FAT3: variants seen among roughly 807,000 people sequenced by gnomAD.
FAT3 encodes the protein FAT atypical cadherin 3.
Under a neutral mutation model 310.2 loss-of-function variants are expected in FAT3, and 95 were observed. The observed-to-expected ratio is 0.31, with a 90% CI of 0.26 to 0.36. The LOEUF (loss-of-function observed/expected upper bound fraction) is 0.36. Among genes scored for constraint, FAT3 ranks in the 10% least tolerant of loss-of-function variants. FAT3 has a pLI of 1.00. For missense variants in FAT3, 5,408 were observed against 5,715.6 expected, an observed-to-expected ratio of 0.95 and a Z score of 1.74; for synonymous variants, 2,314 against 2,192.9, an observed-to-expected ratio of 1.06 and a Z score of -1.54.
intron 2 of FAT3, among the ~76,000 whole-genome samples, chr11:92,410,395 G>A (rs1950230407): frequency 6.6e-6 from 1 of 152,060 alleles, no homozygotes; most frequent in South Asian, 2.1e-4. Context: ...TGGGGAGCGG[G>A]GAGAGAGAGT....
intron 3 of FAT3, among the ~76,000 whole-genome samples, chr11:92,530,623 C>G (rs1954035194): frequency 6.6e-6 from 1 of 152,040 alleles, no homozygotes; most frequent in African/African-American, 2.4e-5. Flanking sequence ...TTTGGATACA[C>G]TTGTATTATT....
intron 1 of FAT3, among the ~76,000 whole-genome samples, chr11:92,267,021 T>C (rs1167175990): frequency 6.6e-6 from 1 of 151,622 alleles, no homozygotes; most frequent in Non-Finnish European, 1.5e-5. Flanking sequence ...TCCAGTCTGG[T>C]GTGGAAGGGC....
chr11:92,879,709 G>A (rs1949628758), intron 22 of FAT3, among the ~76,000 whole-genome samples: 1 of 151,900 alleles, frequency 6.6e-6, no homozygotes, highest in African/African-American at 2.4e-5. Flanking sequence ...TATGTGGTGA[G>A]GCTGAAGGTT....
chr11:92,505,661 G>A (rs1953077920), intron 2 of FAT3, among the ~76,000 whole-genome samples: 1 of 151,930 alleles, frequency 6.6e-6, no homozygotes, highest in Non-Finnish European at 1.5e-5. Context: ...TACCCTCCTG[G>A]GACTAACTAG....
rs192419731 is a variant in FAT3 at position 92,693,099 on chromosome 11, C to T, written c.3608-4285C>T. ...TCATTAGATTCTTCCATCTCCATAA[C>T]AAAAAATCAAAAGCAGCCATTTTAA... is the stretch of plus-strand genomic sequence containing the variant. On this transcript the variant is annotated intron_variant, in intron 3 of 27. Transcript: ENST00000525166. 2.8e-4 allele frequency among the ~76,000 whole-genome samples: 43 copies of T among 152,236 alleles called. 1 individual carries two copies. The highest frequency in any genetic ancestry group is 1.0e-3 in the African/African-American group (43 of 41,556).
intron 1 of FAT3, among the ~76,000 whole-genome samples, chr11:92,238,309 A>C (rs1864521250): frequency 6.6e-6 from 1 of 152,240 alleles, no homozygotes; most frequent in Admixed American, 6.5e-5. Flanking sequence ...TAACTTACTT[A>C]GTCATCAAAG....
At chr11:92,604,619 C>A (rs943285389) in intron 3 of FAT3, among the ~76,000 whole-genome samples, 1 of 152,196 alleles carries the variant, frequency 6.6e-6, no homozygotes, top group African/African-American at 2.4e-5. Context: ...TGTCTATACA[C>A]ATCCTGCGTC....
chr11:92,388,237 C>G (rs1949672154), intron 2 of FAT3, among the ~76,000 whole-genome samples: 2 of 152,058 alleles, frequency 1.3e-5, no homozygotes, highest in Non-Finnish European at 2.9e-5. Flanking sequence ...GAACTGTGCC[C>G]TCACCTTGTG....
At chr11:92,338,102 G>C (rs1362973344) in intron 1 of FAT3, among the ~76,000 whole-genome samples, 3 of 152,166 alleles carry the variant, frequency 2.0e-5, no homozygotes, top group African/African-American at 7.2e-5. Context: ...ACTCTTGTGG[G>C]ACATTAAAAT....
At chr11:92,479,379 A>G (rs1005559990) in intron 2 of FAT3, among the ~76,000 whole-genome samples, 8 of 152,094 alleles carry the variant, frequency 5.3e-5, no homozygotes, top group African/African-American at 1.7e-4. Flanking sequence ...CATGGGCCAA[A>G]TACAGCGACT....
intron 22 of FAT3, 116 bp downstream of exon 22, chr11:92,867,325 C>A: frequency 9.4e-7 from 1 of 1,066,724 alleles, no homozygotes; most frequent in Non-Finnish European, 1.3e-6. Flanking sequence ...AGTATTCACA[C>A]CCAAGATGCT....
intron 3 of FAT3, among the ~76,000 whole-genome samples, chr11:92,555,351 T>C (rs1436124428): frequency 6.6e-6 from 1 of 152,252 alleles, no homozygotes; most frequent in East Asian, 1.9e-4. Flanking sequence ...TATGTAACTT[T>C]GCATTGGAAA....
intron 7 of FAT3, among the ~76,000 whole-genome samples, chr11:92,779,005 G>A (rs1436389700): frequency 2.0e-5 from 3 of 152,138 alleles, no homozygotes; most frequent in African/African-American, 7.2e-5. Flanking sequence ...TCATGTTAAT[G>A]TCTTAGAAGC....
intron 22 of FAT3, among the ~76,000 whole-genome samples, chr11:92,877,034 A>G (rs953564339): frequency 1.3e-5 from 2 of 152,218 alleles, no homozygotes; most frequent in African/African-American, 2.4e-5. Flanking sequence ...CCCCACTGCT[A>G]TGGAATTAAA....
intron 1 of FAT3, among the ~76,000 whole-genome samples, chr11:92,277,579 G>A (rs548157419): frequency 2.0e-5 from 3 of 152,250 alleles, no homozygotes; most frequent in Admixed American, 6.5e-5. Context: ...GCTGGAGGCC[G>A]TTGTCCTAAG....
In FAT3 at chr11:92,880,909, T is replaced by C. The variant is rs749193335; in HGVS notation, c.12281+25T>C. The C allele has an allele frequency of 3.1e-6, 5 of 1,607,176 alleles. No individual in the cohort carries two copies. In the Admixed American group the frequency reaches 8.4e-5, roughly 27 times the overall value. ...CGTAAGTGAGATTACATAAGTGTCT[T>C]TCTCTACACTGTTCTTTATTGCTAC... On this transcript the variant is annotated intron_variant, in intron 23 of 27. Transcript: ENST00000525166.
intron 2 of FAT3, among the ~76,000 whole-genome samples, chr11:92,362,112 A>G (rs762310326): frequency 5.3e-5 from 8 of 152,242 alleles, no homozygotes; most frequent in Admixed American, 1.3e-4. Flanking sequence ...ATGCATTTAC[A>G]TTTACCTTTC....
intron 22 of FAT3, among the ~76,000 whole-genome samples, chr11:92,878,250 T>C (rs1015174414): frequency 4.6e-5 from 7 of 152,186 alleles, no homozygotes; most frequent in Admixed American, 1.3e-4. Context: ...TCTTTCTTCA[T>C]AAGGCCTTGA....
chr11:92,590,791 A>G (rs1455850177), intron 3 of FAT3, among the ~76,000 whole-genome samples: 1 of 152,180 alleles, frequency 6.6e-6, no homozygotes, highest in Non-Finnish European at 1.5e-5. Context: ...AGATATGTGT[A>G]GCAGGCATTT....
Sources: allele counts gnomAD v4.1 joint callset (sites outside exome capture counted in the v4.1 genomes callset), GRCh38; gene constraint gnomAD v4.1.1; transcripts MANE v1.5; gene names NCBI Gene and HGNC (gene_info 2026-07-23, HGNC 2026-07-21).